The following BANP variants were observed in gnomAD, a reference collection of about 807,000 sequenced individuals.
The protein encoded by BANP is protein BANP.
BANP carries 11 observed loss-of-function variants against 68.1 expected under a neutral mutation model. The ratio of observed to expected loss-of-function variants is 0.16; its 90% CI spans 0.10 to 0.27. The LOEUF (loss-of-function observed/expected upper bound fraction) is 0.27, where lower values mean the gene tolerates loss of function less well. Among genes scored for constraint, BANP ranks in the 10% least tolerant of loss-of-function variants. The probability of loss-of-function intolerance (pLI) is 1.00; values close to 1 mark genes in which losing one functional copy is unlikely to be tolerated. For synonymous variants in BANP, 329 were observed against 303.2 expected (o/e 1.09, Z -0.88); for missense variants, 504 against 722.7 (o/e 0.70, Z 3.47).
intron 4 of BANP, among the ~76,000 whole-genome samples, chr16:87,993,473 G>A (rs1464238905): frequency 2.0e-5 from 3 of 152,190 alleles, no homozygotes; most frequent in Non-Finnish European, 4.4e-5. Flanking sequence ...ATCTAGTTCT[G>A]CTTCATTCTG....
intron 1 of BANP, among the ~76,000 whole-genome samples, chr16:87,965,483 GGT>G (rs1165104626): frequency 6.6e-6 from 1 of 152,086 alleles, no homozygotes; most frequent in Non-Finnish European, 1.5e-5. Flanking sequence ...GTGCTGACTG[GGT>G]GTGGGGCACA....
At chr16:88,028,998 T>C (rs2077549263) in intron 8 of BANP, among the ~76,000 whole-genome samples, 1 of 152,182 alleles carries the variant, frequency 6.6e-6, no homozygotes, top group South Asian at 2.1e-4. Context: ...AGTTTTATAG[T>C]TGTAAAAAAT....
In BANP at chr16:88,033,909, G is replaced by A. The variant is rs2078743556; in HGVS notation, c.1200+664G>A. Among the ~76,000 whole-genome samples the A allele has an allele frequency of 4.7e-5, 7 of 148,764 alleles. 1 individual carries two copies. Among genetic ancestry groups the A allele is most frequent in the Admixed American group, 4.6e-4 (7 of 15,188 alleles). ...GAGTAGGGCGTGGCTGAGAAGGAAGGAAGACTTTTCTGGAAGCTTTGCTGA... is the reference window on the plus strand; with the variant it reads ...GAGTAGGGCGTGGCTGAGAAGGAAGAAAGACTTTTCTGGAAGCTTTGCTGA... On this transcript the variant is annotated intron_variant, in intron 9 of 13. Coordinates refer to ENST00000682872, the MANE Select transcript of BANP (RefSeq NM_001386991.1).
intron 11 of BANP, among the ~76,000 whole-genome samples, chr16:88,058,951 C>T (rs1311999932): frequency 6.6e-6 from 1 of 152,114 alleles, no homozygotes; most frequent in Non-Finnish European, 1.5e-5. Flanking sequence ...CCTGGTGGGC[C>T]CCTGAGCCGC....
intron 1 of BANP, among the ~76,000 whole-genome samples, chr16:87,962,257 G>C (rs56203398): frequency 1.6e-5 from 2 of 128,810 alleles, no homozygotes; most frequent in African/African-American, 5.9e-5. Flanking sequence ...AAAAAAAAAA[G>C]AAAGCACATT....
chr16:87,983,262 T>A (rs201545352), intron 3 of BANP, among the ~76,000 whole-genome samples: 2 of 151,852 alleles, frequency 1.3e-5, no homozygotes, highest in African/African-American at 2.4e-5. Context: ...TCCCTAGACC[T>A]GAAGGAGTGT....
rs2089538278 is a variant in BANP at position 88,068,898 on chromosome 16, G to GT, written c.1378-3171_1378-3170insT. The stretch of plus-strand genomic sequence containing the variant: ...ACCTCCCTGGGCGCTCTCGTCCCCA[G>GT]CCTGTGGTCTGAGCCAGAGTCTCTG... On this transcript the variant is annotated intron_variant, in intron 12 of 13. Transcript: ENST00000682872. Among the ~76,000 whole-genome samples the GT allele has an allele frequency of 1.4e-3, 4 of 2,776 alleles. No homozygotes were observed. The Admixed American group carries it at 0.028, about 20-fold the overall frequency. The allele number at this position is 2,776 out of a possible 152,430, so 1.8% of individuals were successfully genotyped here. A position where few individuals can be genotyped will look rare whatever the true frequency, so the allele number is the denominator to read the frequency against.
intron 11 of BANP, among the ~76,000 whole-genome samples, chr16:88,045,143 T>C (rs2081685217): frequency 6.6e-6 from 1 of 152,216 alleles, no homozygotes; most frequent in African/African-American, 2.4e-5. Context: ...AGTTAAAAAA[T>C]GTTTAGCATT....
At chr16:88,027,700 G>A in intron 8 of BANP, 50 bp downstream of exon 8, 1 of 1,603,412 alleles carries the variant, frequency 6.2e-7, no homozygotes, top group Non-Finnish European at 8.5e-7. Flanking sequence ...CGGGGCAGCT[G>A]GCCTGGTGGC....
rs1598686370 is a variant in BANP, at chr16:88,034,530, T to C, written c.1201-793T>C. 2.0e-5 allele frequency among the ~76,000 whole-genome samples: 3 copies of C among 152,156 alleles called. No individual in the cohort carries two copies. In the East Asian group the frequency reaches 5.8e-4, roughly 29 times the overall value. ...GAAACTGTCTAAATAGTCATATGAG[T>C]GTTTCTTTGATTTGAAAAACGTTGC... On this transcript the variant is annotated intron_variant, in intron 9 of 13. Transcript: ENST00000682872.
At chr16:87,971,050 C>T (rs1479273377) in intron 1 of BANP, among the ~76,000 whole-genome samples, 8 of 151,180 alleles carry the variant, frequency 5.3e-5, no homozygotes, top group South Asian at 2.1e-4. Flanking sequence ...CACTTCTTAC[C>T]GCCACTGAAT....
At chr16:88,028,179 C>G (rs1203062404) in intron 8 of BANP, among the ~76,000 whole-genome samples, 1 of 152,210 alleles carries the variant, frequency 6.6e-6, no homozygotes, top group African/African-American at 2.4e-5. Flanking sequence ...GCCTTTCACC[C>G]AAGACATCTC....
At chr16:88,035,226 A>G in intron 9 of BANP, 97 bp from the exon 10 acceptor site, 1 of 1,136,324 alleles carries the variant, frequency 8.8e-7, no homozygotes, top group Non-Finnish European at 1.3e-6. Context: ...TTTGAATTGT[A>G]AACAGATAAT....
In BANP at chr16:88,004,917, G is replaced by A. The variant is rs1237992338; in HGVS notation, c.479+506G>A. ...GACACCGTCCCCGCTCTGTGTGAGG[G>A]GAAGGCTGTGCAGTGGCCTCTGGCT... On this transcript the variant is annotated intron_variant, in intron 5 of 13. Coordinates refer to ENST00000682872, the MANE Select transcript of BANP (RefSeq NM_001386991.1). The surrounding 1 kb of genome is among the most constrained non-coding windows in gnomAD (Gnocchi z 7.0). 6.6e-6 allele frequency among the ~76,000 whole-genome samples: 1 copy of A among 152,196 alleles called. No individual in the cohort carries two copies. Among genetic ancestry groups the A allele is most frequent in the Non-Finnish European group, 1.5e-5 (1 of 68,028 alleles).
In BANP at chr16:88,004,525, C is replaced by G. The variant is rs2070389602; in HGVS notation, c.479+114C>G. ...CCAGCACACGCTTCATCTCTGTGGT[C>G]ACAGGGTTGAGCCTGGCAGGCACCG... is the stretch of plus-strand genomic sequence containing the variant. On this transcript the variant is annotated intron_variant, in intron 5 of 13. Coordinates refer to ENST00000682872, the MANE Select transcript of BANP (RefSeq NM_001386991.1). This position sits in a 1 kb window ranked among gnomAD's most constrained non-coding sequence, Gnocchi z 7.0. 1 of 651,430 alleles carries G rather than the reference C, an allele frequency of 1.5e-6. No individual in the cohort carries two copies. The highest frequency in any genetic ancestry group is 1.9e-5 in the African/African-American group (1 of 53,152). 40.4% of individuals were successfully genotyped at this position (651,430 alleles called of 1,614,324 possible). A position where few individuals can be genotyped will look rare whatever the true frequency, so the allele number is the denominator to read the frequency against.
intron 7 of BANP, among the ~76,000 whole-genome samples, chr16:88,024,446 G>T (rs2076592137): frequency 6.6e-6 from 1 of 152,210 alleles, no homozygotes; most frequent in Non-Finnish European, 1.5e-5. Flanking sequence ...GTGGAAAATG[G>T]CAGTTAAATT....
chr16:88,035,879 G>A (rs1276321076), intron 10 of BANP, among the ~76,000 whole-genome samples: 1 of 152,270 alleles, frequency 6.6e-6, no homozygotes, highest in African/African-American at 2.4e-5. Flanking sequence ...AGTCCTGAGA[G>A]CTGCTCATAG....
intron 4 of BANP, among the ~76,000 whole-genome samples, chr16:87,993,779 A>C (rs4843769): frequency 0.64 from 96,557 of 151,808 alleles, 31,079 homozygotes; most frequent in African/African-American, 0.69. Context: ...TTTTGTATTT[A>C]TATTACAGAC....
chr16:88,067,979 C>T lies in BANP; in HGVS notation c.1377+2647C>T, dbSNP rs373655207. Reference sequence around the variant, plus strand: ...GTCCCCAACAGACCCGCCCTCCCCCCACTGTCTGCCTCCTTGTGTCGTCAG... The same window carrying T: ...GTCCCCAACAGACCCGCCCTCCCCCTACTGTCTGCCTCCTTGTGTCGTCAG... On this transcript the variant is annotated intron_variant, in intron 12 of 13. Transcript: ENST00000682872. Among the ~76,000 whole-genome samples, 6 of 152,270 alleles carry T rather than the reference C, an allele frequency of 3.9e-5. No individual in the cohort carries two copies. The East Asian group carries it at 9.6e-4, about 24-fold the overall frequency.
Sources: allele counts gnomAD v4.1 joint callset (sites outside exome capture counted in the v4.1 genomes callset), GRCh38; gene constraint gnomAD v4.1.1; non-coding constraint Gnocchi (gnomAD v3.1); transcripts MANE v1.5; gene names NCBI Gene and HGNC (gene_info 2026-07-23, HGNC 2026-07-21).